Variants in FRMD6 observed in about 807,000 individuals in gnomAD.
The protein encoded by FRMD6 is FERM domain-containing protein 6.
A neutral mutation model predicts 73.2 loss-of-function variants in FRMD6; 37 were observed. The observed-to-expected ratio is 0.51, with a 90% CI of 0.39 to 0.66. The LOEUF (loss-of-function observed/expected upper bound fraction) is 0.66. Ranked by LOEUF, FRMD6 falls within the 30% of genes least tolerant of loss-of-function variation. FRMD6 has a pLI of 0.00. For missense variants in FRMD6, 714 were observed against 780.5 expected (o/e 0.91, Z 1.02); for synonymous variants, 273 against 282.2 (o/e 0.97, Z 0.33).
the FRMD6 span, among the ~76,000 whole-genome samples, chr14:51,415,830 A>C: frequency 1.3e-5 from 2 of 152,100 alleles, no homozygotes; most frequent in African/African-American, 4.8e-5. Context: ...CCAATTTCAG[A>C]GCCTGTTATT....
chr14:51,398,510 CACAA>C, the FRMD6 span, among the ~76,000 whole-genome samples: 13,410 of 152,044 alleles, frequency 0.088, 631 homozygotes, highest in Middle Eastern at 0.12. Flanking sequence ...ATGTCATTGT[CACAA>C]ACAATGTTAA....
At chr14:51,588,014 G>A (rs545048288) in intron 2 of FRMD6, among the ~76,000 whole-genome samples, 243 of 151,982 alleles carry the variant, frequency 1.6e-3, no homozygotes, top group Middle Eastern at 3.4e-3. Context: ...ATTTTCTTTC[G>A]TTTTCATTAT....
chr14:51,488,174 C>T (rs1012051818), upstream of FRMD6, among the ~76,000 whole-genome samples: 6 of 152,182 alleles, frequency 3.9e-5, no homozygotes, highest in South Asian at 1.0e-3. Flanking sequence ...ATTCCAGGGA[C>T]GACTCCCATT....
At position 51,720,333 on chromosome 14, in the gene FRMD6, AC is replaced by A; in HGVS notation, c.1305del (p.Ser436GlnfsTer20). 1 of 1,613,672 alleles carries A rather than the reference AC, an allele frequency of 6.2e-7. No homozygotes were observed. The highest frequency in any genetic ancestry group is 8.5e-7 in the Non-Finnish European group (1 of 1,179,976). On this transcript the variant is annotated frameshift_variant, in exon 11 of 14. Transcript: ENST00000344768. LOFTEE classifies it high-confidence loss of function. ...SSMTSHGSSH[T>X]SGVESGGKDR... ...AATGACCAGTCATGGCAGCTCCCACACCTCAGGGGTGGAGAGTGGCGGCAAA... is the reference window on the plus strand; with the variant it reads ...AATGACCAGTCATGGCAGCTCCCACACTCAGGGGTGGAGAGTGGCGGCAAA...
chr14:51,430,490 G>GT, the FRMD6 span, among the ~76,000 whole-genome samples: 4 of 151,190 alleles, frequency 2.6e-5, no homozygotes, highest in South Asian at 2.1e-4. Context: ...AATTGGAGTT[G>GT]TTTTTTTTAA....
At position 51,683,445 on chromosome 14, in the gene FRMD6, A is replaced by AT. The variant is rs34525926; in HGVS notation, c.-146-6233dup. Among the ~76,000 whole-genome samples, 317 of 146,406 alleles carry AT rather than the reference A, an allele frequency of 2.2e-3. 5 individuals are homozygous for AT. Among genetic ancestry groups the AT allele is most frequent in the Middle Eastern group, 3.6e-3 (1 of 274 alleles). On this transcript the variant is annotated intron_variant, in intron 1 of 13. Coordinates refer to ENST00000344768, the MANE Select transcript of FRMD6 (RefSeq NM_001267046.2). ...CAGGCATGTGCCACCATGCTCAGCTATTTTTTTTTTTTTAAACTTTTTTAG... is the reference window on the plus strand; with the variant it reads ...CAGGCATGTGCCACCATGCTCAGCTATTTTTTTTTTTTTTAAACTTTTTTAG...
At chr14:51,420,633 T>C in the FRMD6 span, among the ~76,000 whole-genome samples, 1 of 152,256 alleles carries the variant, frequency 6.6e-6, no homozygotes, top group African/African-American at 2.4e-5. Flanking sequence ...ACAGACTTTT[T>C]CCTTATCATT....
intron 2 of FRMD6, among the ~76,000 whole-genome samples, chr14:51,599,106 G>A (rs1332354680): frequency 1.5e-5 from 2 of 135,816 alleles, no homozygotes; most frequent in Non-Finnish European, 1.5e-5. Context: ...ATTCTGACTG[G>A]TGTGAGGTGG....
At chr14:51,607,084 C>T (rs999471243) in intron 2 of FRMD6, among the ~76,000 whole-genome samples, 2 of 152,132 alleles carry the variant, frequency 1.3e-5, no homozygotes, top group African/African-American at 2.4e-5. Flanking sequence ...CCCCACTACT[C>T]CCCTGAGGCC....
the FRMD6 span, among the ~76,000 whole-genome samples, chr14:51,483,637 G>C: frequency 6.6e-6 from 1 of 152,350 alleles, no homozygotes; most frequent in South Asian, 2.1e-4. Flanking sequence ...GTAGGCTAAA[G>C]TAAGGAATTT....
chr14:51,574,903 A>G (rs953769919), intron 2 of FRMD6, among the ~76,000 whole-genome samples: 12 of 152,214 alleles, frequency 7.9e-5, no homozygotes, highest in African/African-American at 2.9e-4. Context: ...TGATTACTAC[A>G]CATTGCATGC....
chr14:51,542,848 C>A (rs951658496), intron 1 of FRMD6, among the ~76,000 whole-genome samples: 1 of 151,946 alleles, frequency 6.6e-6, no homozygotes, highest in Admixed American at 6.6e-5. Flanking sequence ...TAGTTTTAAC[C>A]TGCATTTTCC....
the FRMD6 span, chr14:51,436,847 G>A: frequency 3.7e-5 from 24 of 642,816 alleles, no homozygotes; most frequent in Non-Finnish European, 5.7e-5. Context: ...AGATGATGAT[G>A]AAGAAGAGGA....
chr14:51,495,017 T>C (rs1213863704), intron 1 of FRMD6, among the ~76,000 whole-genome samples: 4 of 152,174 alleles, frequency 2.6e-5, no homozygotes, highest in Non-Finnish European at 5.9e-5. Flanking sequence ...TTACGTCATT[T>C]CTCTCTTCTC....
At chr14:51,472,255 C>G in the FRMD6 span, among the ~76,000 whole-genome samples, 2 of 152,028 alleles carry the variant, frequency 1.3e-5, no homozygotes, top group Non-Finnish European at 2.9e-5. Context: ...GCTGGGTGTT[C>G]TAGGGACTTC....
chr14:51,510,972 T>C (rs1884265358), intron 1 of FRMD6, among the ~76,000 whole-genome samples: 3 of 152,164 alleles, frequency 2.0e-5, no homozygotes. Flanking sequence ...CTGGCTCTTC[T>C]TTCTTTCGCT....
At chr14:51,666,674 A>G (rs940350232) in intron 1 of FRMD6, among the ~76,000 whole-genome samples, 2 of 152,254 alleles carry the variant, frequency 1.3e-5, no homozygotes, top group Admixed American at 1.3e-4. Context: ...ATTTTGTAAC[A>G]AAATAATAGT....
At chr14:51,465,957 C>A in the FRMD6 span, among the ~76,000 whole-genome samples, 14 of 152,094 alleles carry the variant, frequency 9.2e-5, no homozygotes, top group Non-Finnish European at 1.3e-4. Flanking sequence ...CATATCCTCA[C>A]CAGAATTAAT....
intron 1 of FRMD6, among the ~76,000 whole-genome samples, chr14:51,543,383 C>T (rs1486861074): frequency 6.6e-6 from 1 of 151,678 alleles, no homozygotes; most frequent in Non-Finnish European, 1.5e-5. Context: ...AATTTCATGC[C>T]TTATTTAGAA....
Sources: gnomAD v4.1 joint callset for allele counts (sites outside exome capture counted in the v4.1 genomes callset) on GRCh38, gnomAD v4.1.1 for gene constraint, MANE v1.5 for transcripts, NCBI Gene and HGNC (gene_info 2026-07-23, HGNC 2026-07-21) for gene names.